Variants in MTCL3 observed in about 807,000 individuals in gnomAD.
MTCL3 encodes MTCL family member 3.
the MTCL3 span, among the ~76,000 whole-genome samples, chr6:127,498,912 G>A: frequency 6.6e-6 from 1 of 152,156 alleles, no homozygotes; most frequent in African/African-American, 2.4e-5. Context: ...ATTGGGGTTA[G>A]AGCTAAGAAC....
the MTCL3 span, among the ~76,000 whole-genome samples, chr6:127,479,891 G>T: frequency 3.9e-5 from 6 of 152,152 alleles, no homozygotes; most frequent in Non-Finnish European, 8.8e-5. Context: ...ACTTGGCATA[G>T]AAATATCATA....
chr6:127,509,036 C>A, the MTCL3 span, among the ~76,000 whole-genome samples: 1 of 152,182 alleles, frequency 6.6e-6, no homozygotes, highest in African/African-American at 2.4e-5. Context: ...TCTCTTTGAT[C>A]ATTTGCAATG....
the MTCL3 span, among the ~76,000 whole-genome samples, chr6:127,511,939 T>G: frequency 3.3e-5 from 5 of 152,194 alleles, no homozygotes; most frequent in Non-Finnish European, 7.4e-5. Flanking sequence ...GTGGAAAGAT[T>G]AGAATTTTCT....
At chr6:127,492,800 G>A in the MTCL3 span, among the ~76,000 whole-genome samples, 1,458 of 152,246 alleles carry the variant, frequency 9.6e-3, 25 homozygotes, top group African/African-American at 0.033. Flanking sequence ...GGGATTACAG[G>A]CCTGAGTCAC....
At chr6:127,506,737 C>T in the MTCL3 span, among the ~76,000 whole-genome samples, 87,651 of 151,722 alleles carry the variant, frequency 0.58, 26,859 homozygotes, top group Admixed American at 0.68. Context: ...CCCACGACCA[C>T]GCCCGGCTAA....
chr6:127,488,093 C>T, the MTCL3 span, among the ~76,000 whole-genome samples: 3 of 152,032 alleles, frequency 2.0e-5, no homozygotes, highest in Non-Finnish European at 4.4e-5. Flanking sequence ...GCTTTCTTTG[C>T]TCTAGTGTCA....
chr6:127,517,997 C>T, the MTCL3 span, among the ~76,000 whole-genome samples: 1 of 152,222 alleles, frequency 6.6e-6, no homozygotes, highest in African/African-American at 2.4e-5. Flanking sequence ...AGCATCACAA[C>T]TTAGCATGCA....
At chr6:127,514,215 A>G in the MTCL3 span, among the ~76,000 whole-genome samples, 1 of 152,210 alleles carries the variant, frequency 6.6e-6, no homozygotes, top group African/African-American at 2.4e-5. Context: ...ACTTTAAAAA[A>G]ATGAGATTAT....
chr6:127,517,239 C>G, the MTCL3 span, among the ~76,000 whole-genome samples: 76 of 152,314 alleles, frequency 5.0e-4, no homozygotes, highest in Admixed American at 9.2e-4. Flanking sequence ...ATAAATGACA[C>G]TTTCCCCAGG....
chr6:127,494,021 C>CT, the MTCL3 span, among the ~76,000 whole-genome samples: 1 of 152,118 alleles, frequency 6.6e-6, no homozygotes, highest in South Asian at 2.1e-4. Context: ...ACTTTTAAGT[C>CT]TTTTTTGGTG....
chr6:127,479,488 A>G, the MTCL3 span, among the ~76,000 whole-genome samples: 1 of 152,244 alleles, frequency 6.6e-6, no homozygotes, highest in African/African-American at 2.4e-5. Flanking sequence ...ATTTGCTAGT[A>G]TAGTTGGCAT....
At chr6:127,508,775 G>C in the MTCL3 span, among the ~76,000 whole-genome samples, 2 of 152,264 alleles carry the variant, frequency 1.3e-5, no homozygotes, top group Admixed American at 1.3e-4. Context: ...GACCTTAAAA[G>C]TGACATCAGA....
the MTCL3 span, among the ~76,000 whole-genome samples, chr6:127,494,799 CT>C: frequency 1.3e-5 from 2 of 152,094 alleles, no homozygotes; most frequent in South Asian, 4.1e-4. Context: ...ATGGTAAGTG[CT>C]TCTTTAATAT....
At chr6:127,491,715 T>G in the MTCL3 span, among the ~76,000 whole-genome samples, 1 of 151,622 alleles carries the variant, frequency 6.6e-6, no homozygotes, top group Non-Finnish European at 1.5e-5. Context: ...TACAAAAATT[T>G]TTTAAAAGTT....
the MTCL3 span, among the ~76,000 whole-genome samples, chr6:127,506,009 A>G: frequency 6.6e-6 from 1 of 152,224 alleles, no homozygotes; most frequent in Non-Finnish European, 1.5e-5. Flanking sequence ...AAGCTTCGAG[A>G]GCACTCAGTT....
the MTCL3 span, chr6:127,515,787 A>T: frequency 6.2e-7 from 1 of 1,607,224 alleles, no homozygotes; most frequent in Non-Finnish European, 8.5e-7. The surrounding 1 kb of genome is among the most constrained non-coding windows in gnomAD (Gnocchi z 4.3). Flanking sequence ...CGTGCATCTG[A>T]GCCGCGGCCG....
At chr6:127,515,442 T>G in the MTCL3 span, 182 of 1,357,278 alleles carry the variant, frequency 1.3e-4, no homozygotes, top group African/African-American at 2.6e-3. This position sits in a 1 kb window ranked among gnomAD's most constrained non-coding sequence, Gnocchi z 4.3. Flanking sequence ...CTCTGATCCC[T>G]GCCGGTACAC....
the MTCL3 span, chr6:127,475,230 C>A: frequency 1.3e-6 from 2 of 1,507,660 alleles, no homozygotes; most frequent in Non-Finnish European, 1.8e-6. The surrounding 1 kb of genome is among the most constrained non-coding windows in gnomAD (Gnocchi z 7.3). Context: ...AGACGCCCCC[C>A]AGGGACGCGG....
the MTCL3 span, among the ~76,000 whole-genome samples, chr6:127,474,535 T>C: frequency 6.6e-6 from 1 of 152,276 alleles, no homozygotes; most frequent in Non-Finnish European, 1.5e-5. Flanking sequence ...CCTCTGGGAT[T>C]ACAGGCATGA....
Sources: allele counts gnomAD v4.1 joint callset (sites outside exome capture counted in the v4.1 genomes callset), GRCh38; gene constraint gnomAD v4.1.1; non-coding constraint Gnocchi (gnomAD v3.1); transcripts MANE v1.5; gene names NCBI Gene and HGNC (gene_info 2026-07-23, HGNC 2026-07-21).